The following CAMK4 variants were observed in gnomAD, a reference collection of about 807,000 sequenced individuals.
CAMK4 encodes the protein calcium/calmodulin dependent protein kinase IV.
CAMK4 carries 22 observed loss-of-function variants against 44.9 expected under a neutral mutation model. The ratio of observed to expected loss-of-function variants is 0.49; its 90% CI spans 0.35 to 0.70. The LOEUF is 0.70. CAMK4 is among the 30% of genes least tolerant of loss of function. The pLI is 0.01. For missense variants in CAMK4, 498 were observed against 586.8 expected, an observed-to-expected ratio of 0.85 and a Z score of 1.56; for synonymous variants, 218 against 215.4, an observed-to-expected ratio of 1.01 and a Z score of -0.11.
intron 1 of CAMK4, among the ~76,000 whole-genome samples, chr5:111,234,609 G>A (rs912976422): frequency 6.6e-5 from 10 of 152,220 alleles, no homozygotes; most frequent in African/African-American, 2.4e-4. Flanking sequence ...GTGTTTTGTG[G>A]ACAGTACTTG....
chr5:111,430,898 G>A (rs904625769), intron 5 of CAMK4, among the ~76,000 whole-genome samples: 1 of 151,972 alleles, frequency 6.6e-6, no homozygotes, highest in African/African-American at 2.4e-5. Context: ...TACAGATTCA[G>A]TGCAATCACT....
At chr5:111,285,172 TAGA>T (rs1388621686) in intron 1 of CAMK4, among the ~76,000 whole-genome samples, 2 of 152,168 alleles carry the variant, frequency 1.3e-5, no homozygotes, top group Non-Finnish European at 2.9e-5. Flanking sequence ...CATGGTACAC[TAGA>T]AGGAAAACAG....
chr5:111,334,183 C>G (rs1012153112), intron 1 of CAMK4, among the ~76,000 whole-genome samples: 4 of 151,552 alleles, frequency 2.6e-5, no homozygotes, highest in Non-Finnish European at 5.9e-5. Context: ...TAATATTTAA[C>G]TGACTTGGGA....
intron 1 of CAMK4, among the ~76,000 whole-genome samples, chr5:111,311,820 G>C (rs535701570): frequency 2.0e-5 from 3 of 152,232 alleles, no homozygotes; most frequent in African/African-American, 7.2e-5. Flanking sequence ...TTCCAGTAGA[G>C]AATCAATATG....
chr5:111,267,287 G>A (rs557779997), intron 1 of CAMK4, among the ~76,000 whole-genome samples: 84 of 152,248 alleles, frequency 5.5e-4, no homozygotes, highest in Non-Finnish European at 8.7e-4. Flanking sequence ...TACTGTGACA[G>A]GATTTGTCAT....
At chr5:111,300,600 G>T (rs1747680302) in intron 1 of CAMK4, among the ~76,000 whole-genome samples, 1 of 152,182 alleles carries the variant, frequency 6.6e-6, no homozygotes, top group Admixed American at 6.5e-5. Flanking sequence ...ATAAGTAGCT[G>T]AAGAAAATAA....
chr5:111,233,678 G>A (rs1748579843), intron 1 of CAMK4, among the ~76,000 whole-genome samples: 1 of 152,062 alleles, frequency 6.6e-6, no homozygotes, highest in Non-Finnish European at 1.5e-5. Flanking sequence ...CCTCTAACTA[G>A]TAAAGTTGAA....
chr5:111,294,126 C>T (rs906136313), intron 1 of CAMK4, among the ~76,000 whole-genome samples: 4 of 152,114 alleles, frequency 2.6e-5, no homozygotes, highest in African/African-American at 9.7e-5. Context: ...TATTCACTCA[C>T]CCATTCATTT....
chr5:111,254,204 A>G (rs191243451), intron 1 of CAMK4, among the ~76,000 whole-genome samples: 3 of 152,362 alleles, frequency 2.0e-5, no homozygotes, highest in East Asian at 3.9e-4. Flanking sequence ...CTTCTAGGGT[A>G]TAACCAGCTC....
intron 1 of CAMK4, among the ~76,000 whole-genome samples, chr5:111,312,413 G>T (rs1029102772): frequency 2.0e-5 from 3 of 152,106 alleles, no homozygotes; most frequent in Non-Finnish European, 4.4e-5. Flanking sequence ...TTATAATGTT[G>T]TTCTGAGAGT....
intron 5 of CAMK4, among the ~76,000 whole-genome samples, chr5:111,424,147 G>C (rs1753129571): frequency 6.6e-6 from 1 of 152,202 alleles, no homozygotes; most frequent in Non-Finnish European, 1.5e-5. Flanking sequence ...TGAGCAGGCA[G>C]AGACCTAACC....
At chr5:111,361,656 G>T (rs888831863) in intron 2 of CAMK4, among the ~76,000 whole-genome samples, 6 of 152,004 alleles carry the variant, frequency 3.9e-5, no homozygotes, top group Non-Finnish European at 2.9e-5. Context: ...GACCCTGGTG[G>T]TTGACAGTGA....
chr5:111,467,720 G>A (rs1754892947), intron 7 of CAMK4, among the ~76,000 whole-genome samples: 1 of 152,170 alleles, frequency 6.6e-6, no homozygotes, highest in African/African-American at 2.4e-5. Flanking sequence ...TGGTGTGGAT[G>A]TGGTGAAAGG....
chr5:111,410,850 T>C (rs1752607566), intron 5 of CAMK4, among the ~76,000 whole-genome samples: 1 of 152,188 alleles, frequency 6.6e-6, no homozygotes, highest in African/African-American at 2.4e-5. Flanking sequence ...ACTTCACTGC[T>C]TGACCGTGGA....
At chr5:111,385,935 A>T (rs2112845311) in intron 4 of CAMK4, among the ~76,000 whole-genome samples, 1 of 152,152 alleles carries the variant, frequency 6.6e-6, no homozygotes, top group Middle Eastern at 3.4e-3. Context: ...GTAGACTGGG[A>T]ATCTTTTAGG....
At chr5:111,383,622 A>ATTTTTT (rs10671641) in intron 4 of CAMK4, among the ~76,000 whole-genome samples, 6 of 141,970 alleles carry the variant, frequency 4.2e-5, no homozygotes, top group Non-Finnish European at 3.1e-5. Flanking sequence ...AGGGGAGATA[A>ATTTTTT]TTTTTTTTTT....
intron 1 of CAMK4, 56 bp from the exon 2 acceptor site, chr5:111,343,968 C>A: frequency 1.0e-6 from 1 of 1,004,038 alleles, no homozygotes; most frequent in Non-Finnish European, 1.5e-6. Context: ...TCAAGCTTTC[C>A]CCTTTAATTC....
chr5:111,450,721 G>A (rs1754201121), intron 7 of CAMK4, among the ~76,000 whole-genome samples: 1 of 150,918 alleles, frequency 6.6e-6, no homozygotes, highest in African/African-American at 2.5e-5. Context: ...CTGGGAGGTA[G>A]AGGTTACAGT....
intron 1 of CAMK4, among the ~76,000 whole-genome samples, chr5:111,341,016 G>A (rs1580618888): frequency 6.6e-6 from 1 of 150,684 alleles, no homozygotes; most frequent in Non-Finnish European, 1.5e-5. Flanking sequence ...GTTCATACTA[G>A]TCTCTTAAGA....
Sources: gnomAD v4.1 joint callset for allele counts (sites outside exome capture counted in the v4.1 genomes callset) on GRCh38, gnomAD v4.1.1 for gene constraint, MANE v1.5 for transcripts, NCBI Gene and HGNC (gene_info 2026-07-23, HGNC 2026-07-21) for gene names.